ALDH9A1: variants seen among roughly 807,000 people sequenced by gnomAD.
The protein encoded by ALDH9A1 is 4-trimethylaminobutyraldehyde dehydrogenase.
In ALDH9A1, 42 loss-of-function variants were observed where a neutral mutation model predicts 56.6. That is an observed-to-expected ratio of 0.74 (90% CI 0.58 to 0.96). ALDH9A1 has a LOEUF of 0.96. Among genes scored for constraint, ALDH9A1 ranks in the 40% least tolerant of loss-of-function variants. ALDH9A1 has a pLI of 0.00. For synonymous variants in ALDH9A1, 242 were observed against 236.0 expected, an observed-to-expected ratio of 1.03 and a Z score of -0.23; for missense variants, 661 against 651.5, an observed-to-expected ratio of 1.01 and a Z score of -0.16.
intron 8 of ALDH9A1, among the ~76,000 whole-genome samples, chr1:165,667,889 G>T (rs1649056649): frequency 6.6e-6 from 1 of 152,070 alleles, no homozygotes; most frequent in Non-Finnish European, 1.5e-5. Flanking sequence ...ATACAACATG[G>T]TTCAACCTAC....
At chr1:165,663,331 G>A (rs1329463536) in intron 10 of ALDH9A1, among the ~76,000 whole-genome samples, 187 bp from the exon 11 acceptor site, 1 of 152,150 alleles carries the variant, frequency 6.6e-6, no homozygotes, top group Non-Finnish European at 1.5e-5. Flanking sequence ...TGACCCACTG[G>A]CATTTGGGGA....
chr1:165,683,559 T>C (rs1209203733), intron 2 of ALDH9A1, among the ~76,000 whole-genome samples: 3 of 152,240 alleles, frequency 2.0e-5, no homozygotes, highest in Non-Finnish European at 2.9e-5. Context: ...TAAATATGTA[T>C]GTTTGCTCAT....
intron 6 of ALDH9A1, among the ~76,000 whole-genome samples, chr1:165,672,974 C>T (rs1571169488): frequency 3.8e-5 from 2 of 52,508 alleles, no homozygotes; most frequent in African/African-American, 1.3e-4. Flanking sequence ...AAAATACAAA[C>T]ACACACACAC....
intron 1 of ALDH9A1, among the ~76,000 whole-genome samples, chr1:165,695,598 C>T (rs905132006): frequency 1.4e-5 from 2 of 144,692 alleles, no homozygotes; most frequent in African/African-American, 5.2e-5. Context: ...TGAGTTCAAG[C>T]GATTCCCCTG....
At chr1:165,675,841 T>A (rs1180672823) in intron 6 of ALDH9A1, among the ~76,000 whole-genome samples, 1 of 152,182 alleles carries the variant, frequency 6.6e-6, no homozygotes, top group African/African-American at 2.4e-5. Flanking sequence ...TCACGCTGAA[T>A]ATAAAAACAA....
intron 7 of ALDH9A1, 67 bp downstream of exon 7, chr1:165,669,195 A>G: frequency 2.1e-6 from 3 of 1,458,502 alleles, no homozygotes; most frequent in Non-Finnish European, 2.8e-6. Context: ...TGAAAAGGGC[A>G]CAAAGCATGT....
At chr1:165,671,145 G>C (rs1649166906) in intron 6 of ALDH9A1, 1 of 157,806 alleles carries the variant, frequency 6.3e-6, no homozygotes, top group South Asian at 1.9e-4. Context: ...TCATCTATCT[G>C]ATAAAAATTT....
chr1:165,686,165 G>A (rs1649700351), intron 2 of ALDH9A1, among the ~76,000 whole-genome samples: 1 of 152,134 alleles, frequency 6.6e-6, no homozygotes, highest in Admixed American at 6.5e-5. Flanking sequence ...TAAAATACAT[G>A]AACCATTTTC....
chr1:165,667,627 C>G (rs1649048931), intron 8 of ALDH9A1, among the ~76,000 whole-genome samples, 177 bp from the exon 9 acceptor site: 1 of 152,120 alleles, frequency 6.6e-6, no homozygotes, highest in South Asian at 2.1e-4. Flanking sequence ...TCCACTGCAC[C>G]TAGCCCCAAT....
chr1:165,672,515 A>C (rs1558004251), intron 6 of ALDH9A1, among the ~76,000 whole-genome samples: 1 of 152,188 alleles, frequency 6.6e-6, no homozygotes, highest in Non-Finnish European at 1.5e-5. Flanking sequence ...GGAGAGAGAA[A>C]CAGAGTTATT....
rs775638411 is a variant in ALDH9A1 at position 165,680,450 on chromosome 1, T to G, written c.789+37A>C. On this transcript the variant is annotated intron_variant, in intron 5 of 10. Transcript: ENST00000354775. ...TAGGACCGGATTTGCCACATCCAAA[T>G]GCCATGTGTGTTGACCAATACTGGT... 3 of 1,602,840 alleles carry G rather than the reference T, an allele frequency of 1.9e-6. No individual in the cohort carries two copies. The Admixed American group carries it at 5.3e-5, about 28-fold the overall frequency.
At chr1:165,685,019 G>A (rs925559755) in intron 2 of ALDH9A1, among the ~76,000 whole-genome samples, 1 of 152,140 alleles carries the variant, frequency 6.6e-6, no homozygotes, top group African/African-American at 2.4e-5. Context: ...TCTACTAAGA[G>A]CATTAGGAGA....
At chr1:165,693,063 T>A (rs1649946315) in intron 2 of ALDH9A1, among the ~76,000 whole-genome samples, 1 of 151,902 alleles carries the variant, frequency 6.6e-6, no homozygotes, top group Admixed American at 6.6e-5. Context: ...CAAAAATTAA[T>A]TCAAGATGGA....
chr1:165,676,825 G>T, intron 6 of ALDH9A1: 1 of 369,140 alleles, frequency 2.7e-6, no homozygotes, highest in Non-Finnish European at 5.1e-6. Flanking sequence ...CTGCAAAATT[G>T]TTTCTCTTTA....
intron 2 of ALDH9A1, among the ~76,000 whole-genome samples, chr1:165,693,472 C>A (rs1354867238): frequency 6.6e-6 from 1 of 152,198 alleles, no homozygotes; most frequent in Non-Finnish European, 1.5e-5. Flanking sequence ...AAATGCTCAT[C>A]ATCACTGGCC....
At chr1:165,666,585 T>C (rs16849230) in intron 9 of ALDH9A1, among the ~76,000 whole-genome samples, 2,346 of 152,216 alleles carry the variant, frequency 0.015, 61 homozygotes, top group African/African-American at 0.053. Context: ...GAGAAGCAAT[T>C]ACATCAGGTC....
intron 6 of ALDH9A1, among the ~76,000 whole-genome samples, chr1:165,674,584 G>A (rs1326810019): frequency 6.7e-6 from 1 of 150,238 alleles, no homozygotes; most frequent in African/African-American, 2.5e-5. Context: ...TACTCAGGAG[G>A]CTAAGGCAGG....
chr1:165,667,409 A>C lies in ALDH9A1; in HGVS notation c.1249T>G (p.Phe417Val), dbSNP rs770846542. The change falls in exon 9 of 11, where the codon TTT (phenylalanine) becomes GTT (valine). Residue 417 changes from phenylalanine to valine, a missense_variant. By Grantham distance (50) the Phe-to-Val change is conservative. Coordinates refer to ENST00000354775, the MANE Select transcript of ALDH9A1 (RefSeq NM_000696.4). ...GATAAAATGGACATAACAGGCCCAA[A>C]GATCTCTTCCTTCACACAGGTCATG... ...DDMTCVKEEIFGPVMSILSFD... is the reference protein window; with the variant it reads ...DDMTCVKEEIVGPVMSILSFD... The C allele has an allele frequency of 9.9e-6, 16 of 1,614,030 alleles. No individual in the cohort carries two copies. The highest frequency in any genetic ancestry group is 1.2e-5 in the Non-Finnish European group (14 of 1,180,016).
chr1:165,695,884 T>C (rs912179495), intron 1 of ALDH9A1, among the ~76,000 whole-genome samples: 3 of 150,068 alleles, frequency 2.0e-5, no homozygotes, highest in African/African-American at 7.4e-5. Flanking sequence ...GGAGTCTCGC[T>C]CTTGTTACCC....
Sources: gnomAD v4.1 joint callset for allele counts (sites outside exome capture counted in the v4.1 genomes callset) on GRCh38, gnomAD v4.1.1 for gene constraint, MANE v1.5 for transcripts, NCBI Gene and HGNC (gene_info 2026-07-23, HGNC 2026-07-21) for gene names.